The following CDC14B variants were observed in gnomAD, a reference collection of about 807,000 sequenced individuals.
CDC14B encodes dual specificity protein phosphatase CDC14B.
In CDC14B, 22 loss-of-function variants were observed where a neutral mutation model predicts 64.2. The observed-to-expected ratio is 0.34, with a 90% CI of 0.24 to 0.49. The LOEUF is 0.49. Ranked by LOEUF, CDC14B falls within the 20% of genes least tolerant of loss-of-function variation. The pLI is 0.99. For missense variants in CDC14B, 498 were observed against 629.9 expected, an observed-to-expected ratio of 0.79 and a Z score of 2.24; for synonymous variants, 191 against 215.8, an observed-to-expected ratio of 0.89 and a Z score of 1.01.
At chr9:96,539,992 T>C (rs1839814297) in intron 6 of CDC14B, among the ~76,000 whole-genome samples, 1 of 152,190 alleles carries the variant, frequency 6.6e-6, no homozygotes, top group African/African-American at 2.4e-5. Flanking sequence ...GAAATACAAA[T>C]GTAAAATAAG....
chr9:96,592,170 C>T (rs528420138), intron 1 of CDC14B, among the ~76,000 whole-genome samples: 1 of 152,172 alleles, frequency 6.6e-6, no homozygotes, highest in Non-Finnish European at 1.5e-5. Flanking sequence ...CCTTGACTCC[C>T]AGGCTCAAGC....
chr9:96,543,212 T>C (rs1260716964), intron 5 of CDC14B, among the ~76,000 whole-genome samples: 1 of 151,796 alleles, frequency 6.6e-6, no homozygotes, highest in Non-Finnish European at 1.5e-5. Flanking sequence ...GGGGGGCACC[T>C]GTAGTCCCAG....
At chr9:96,516,314 T>C (rs1200730057) in intron 12 of CDC14B, among the ~76,000 whole-genome samples, 1 of 152,180 alleles carries the variant, frequency 6.6e-6, no homozygotes, top group Non-Finnish European at 1.5e-5. Flanking sequence ...GCTAAGGGAA[T>C]GGCACATTTT....
chr9:96,597,820 T>C (rs1256564741), intron 1 of CDC14B, among the ~76,000 whole-genome samples: 1 of 152,168 alleles, frequency 6.6e-6, no homozygotes, highest in East Asian at 1.9e-4. Flanking sequence ...TAAGTTGCTT[T>C]AAAAGATGAT....
chr9:96,614,062 G>C (rs1054364833), intron 1 of CDC14B, among the ~76,000 whole-genome samples: 4 of 151,962 alleles, frequency 2.6e-5, no homozygotes, highest in African/African-American at 9.7e-5. Context: ...ACCTCAATTA[G>C]TGTTTTTCCA....
intron 1 of CDC14B, among the ~76,000 whole-genome samples, chr9:96,567,562 C>T (rs1022037951): frequency 2.6e-5 from 4 of 152,344 alleles, no homozygotes; most frequent in African/African-American, 9.6e-5. Flanking sequence ...TCTGGTCATG[C>T]ATTCCTTTAA....
intron 12 of CDC14B, among the ~76,000 whole-genome samples, chr9:96,518,689 T>C (rs1309493544): frequency 2.6e-5 from 4 of 152,220 alleles, no homozygotes; most frequent in African/African-American, 9.6e-5. Context: ...GGGGTGAATA[T>C]TTAAATGGAA....
intron 1 of CDC14B, among the ~76,000 whole-genome samples, chr9:96,596,057 T>C (rs893142884): frequency 5.3e-5 from 8 of 152,180 alleles, no homozygotes; most frequent in Admixed American, 1.3e-4. Context: ...AGAGCTGTTA[T>C]TTAAAAAGAA....
intron 5 of CDC14B, among the ~76,000 whole-genome samples, chr9:96,544,259 T>C (rs1291800525): frequency 1.3e-5 from 2 of 152,136 alleles, no homozygotes; most frequent in Non-Finnish European, 2.9e-5. Context: ...GTGTTTTTGT[T>C]AAAAACTATA....
At chr9:96,538,906 G>A (rs1469559207) in intron 7 of CDC14B, 172 bp downstream of exon 7, 1 of 568,000 alleles carries the variant, frequency 1.8e-6, no homozygotes, top group Non-Finnish European at 3.2e-6. Flanking sequence ...AATTATGTGA[G>A]GTGATGAATA....
At chr9:96,494,589 G>A (rs1332303270) in intron 13 of CDC14B, among the ~76,000 whole-genome samples, 1 of 152,160 alleles carries the variant, frequency 6.6e-6, no homozygotes, top group Non-Finnish European at 1.5e-5. Context: ...TAGATGACAG[G>A]AATTTCCCAA....
intron 12 of CDC14B, chr9:96,514,439 C>T (rs984514378): frequency 6.4e-5 from 63 of 985,206 alleles, no homozygotes; most frequent in South Asian, 4.2e-4. Flanking sequence ...TCTGAATGCG[C>T]GACAATAAGC....
intron 11 of CDC14B, among the ~76,000 whole-genome samples, 176 bp downstream of exon 11, chr9:96,523,085 C>CAA (rs1836991612): frequency 1.3e-5 from 2 of 152,184 alleles, no homozygotes; most frequent in African/African-American, 4.8e-5. Flanking sequence ...TATGGACACA[C>CAA]AACCTTGTTT....
chr9:96,555,917 A>G (rs537398898), intron 4 of CDC14B, among the ~76,000 whole-genome samples: 2 of 140,640 alleles, frequency 1.4e-5, no homozygotes, highest in African/African-American at 4.9e-5. Flanking sequence ...TTACTAACAT[A>G]CGTTTCAAAA....
intron 12 of CDC14B, among the ~76,000 whole-genome samples, chr9:96,510,205 A>G (rs1245045834): frequency 6.6e-6 from 1 of 152,220 alleles, no homozygotes; most frequent in Non-Finnish European, 1.5e-5. Flanking sequence ...ACTATACAAT[A>G]TTCACTCTTC....
chr9:96,509,572 C>T, intron 13 of CDC14B, 101 bp downstream of exon 13: 1 of 768,926 alleles, frequency 1.3e-6, no homozygotes, highest in Non-Finnish European at 2.3e-6. Flanking sequence ...AGAGACTCTA[C>T]TTTCTCCTAA....
intron 2 of CDC14B, 42 bp from the exon 3 acceptor site, chr9:96,564,894 G>A (rs1327124476): frequency 7.6e-7 from 1 of 1,315,276 alleles, no homozygotes; most frequent in Non-Finnish European, 1.1e-6. Context: ...CATTCTAGAT[G>A]CTCTGAATAT....
intron 7 of CDC14B, 65 bp from the exon 8 acceptor site, chr9:96,534,607 G>A (rs2131735538): frequency 2.8e-6 from 3 of 1,067,438 alleles, no homozygotes; most frequent in East Asian, 4.8e-5. Context: ...CTCTACTCAA[G>A]ACTGAGTCTC....
intron 12 of CDC14B, among the ~76,000 whole-genome samples, chr9:96,518,615 C>T (rs1374457574): frequency 6.6e-6 from 1 of 152,110 alleles, no homozygotes; most frequent in African/African-American, 2.4e-5. Context: ...ACAAGTTATA[C>T]CCACACCATC....
Sources: gnomAD v4.1 joint callset for allele counts (sites outside exome capture counted in the v4.1 genomes callset) on GRCh38, gnomAD v4.1.1 for gene constraint, MANE v1.5 for transcripts, NCBI Gene and HGNC (gene_info 2026-07-23, HGNC 2026-07-21) for gene names.